The following CPLANE1 variants were observed in gnomAD, a reference collection of about 807,000 sequenced individuals.
The protein encoded by CPLANE1 is ciliogenesis and planar polarity effector complex subunit 1.
Under a neutral mutation model 362.5 loss-of-function variants are expected in CPLANE1, and 263 were observed. The observed-to-expected ratio is 0.73, with a 90% CI of 0.66 to 0.80. The LOEUF (loss-of-function observed/expected upper bound fraction) is 0.80, where lower values mean the gene tolerates loss of function less well. CPLANE1 is among the 30% of genes least tolerant of loss of function. The pLI is 0.00. For synonymous variants in CPLANE1, 1,212 were observed against 1,302.6 expected (o/e 0.93, Z 1.50); for missense variants, 3,461 against 3,793.4 (o/e 0.91, Z 2.30).
At chr5:37,208,500 A>G (rs1791490073) in intron 16 of CPLANE1, among the ~76,000 whole-genome samples, 1 of 151,842 alleles carries the variant, frequency 6.6e-6, no homozygotes, top group South Asian at 2.1e-4. Flanking sequence ...ACACGGTGAA[A>G]CCCCGTCTCC....
chr5:37,222,233 C>G (rs1406012696), intron 14 of CPLANE1, among the ~76,000 whole-genome samples: 4 of 152,230 alleles, frequency 2.6e-5, no homozygotes, highest in African/African-American at 4.8e-5. Flanking sequence ...TGTTCTGATT[C>G]AAGAGATAAC....
At chr5:37,200,554 G>T (rs1788854949) in intron 19 of CPLANE1, among the ~76,000 whole-genome samples, 1 of 152,120 alleles carries the variant, frequency 6.6e-6, no homozygotes. Context: ...TAAAAAACTA[G>T]AGGTAGAAGT....
chr5:37,123,227 C>T (rs1371681812), intron 47 of CPLANE1, among the ~76,000 whole-genome samples: 3 of 152,206 alleles, frequency 2.0e-5, no homozygotes, highest in Admixed American at 6.5e-5. Flanking sequence ...ATGTCAGACA[C>T]ATACGTATTA....
At chr5:37,109,090 C>T (rs1219132879) in intron 51 of CPLANE1, among the ~76,000 whole-genome samples, 1 of 152,168 alleles carries the variant, frequency 6.6e-6, no homozygotes, top group Non-Finnish European at 1.5e-5. Flanking sequence ...TGTTCCAAAG[C>T]CAATATCACA....
Position 37,230,907 on chromosome 5 carries a change from G to T in CPLANE1, c.1081C>A (p.Pro361Thr). The T allele has an allele frequency of 6.5e-7, 1 of 1,546,140 alleles. No individual in the cohort carries two copies. Among genetic ancestry groups the T allele is most frequent in the Non-Finnish European group, 8.7e-7 (1 of 1,144,272 alleles). Residue 361 changes from proline to threonine, a missense_variant, in exon 9 of 53, where the codon CCA becomes ACA. Physicochemically the swap from Pro to Thr is conservative, Grantham distance 38 (BLOSUM62 -1). Coordinates refer to ENST00000651892, the MANE Select transcript of CPLANE1 (RefSeq NM_001384732.1). ...GGATGAAGAGGAATAAATTCTGCTG[G>T]GCCAAATTCTATAGAGCAACCAAAT... The part of the protein sequence containing the change: ...ITFGCSIEFG[P>T]AEFIPLHPLI...
intron 44 of CPLANE1, chr5:37,140,270 G>A (rs547238823): frequency 4.2e-6 from 4 of 955,966 alleles, no homozygotes; most frequent in South Asian, 9.7e-5. Flanking sequence ...TTATTATCTT[G>A]AGATAAACCA....
intron 16 of CPLANE1, chr5:37,211,002 A>T: frequency 1.3e-6 from 1 of 793,364 alleles, no homozygotes; most frequent in Non-Finnish European, 2.3e-6. Flanking sequence ...ATCGCAATTG[A>T]AGCAAACTCA....
intron 21 of CPLANE1, among the ~76,000 whole-genome samples, chr5:37,192,476 A>G (rs1785812169): frequency 6.6e-6 from 1 of 152,186 alleles, no homozygotes; most frequent in Admixed American, 6.5e-5. Flanking sequence ...ATTTCTTAGG[A>G]CGTAGCCCCA....
chr5:37,140,438 A>G, intron 44 of CPLANE1: 1 of 985,158 alleles, frequency 1.0e-6, no homozygotes, highest in Non-Finnish European at 1.2e-6. Flanking sequence ...AACTAATTCA[A>G]TTTAACTAAG....
Position 37,183,000 on chromosome 5 carries a change from A to G in CPLANE1, c.5181T>C (p.Ile1727=), listed in dbSNP as rs1326847588. ...CTAAAGGAAGATCTTCTTGAGGGTT[A>G]ATATCATTGCACTGAATAGCTTTGA... The part of the protein sequence containing the change: ...CIFKAIQCND[I]NPQEDLPLAL... Residue 1727 remains isoleucine, a synonymous_variant, in exon 26 of 53, where the codon ATT becomes ATC. Transcript: ENST00000651892. 1 of 1,612,268 alleles carries G rather than the reference A, an allele frequency of 6.2e-7. No individual in the cohort carries two copies. Among genetic ancestry groups the G allele is most frequent in the Admixed American group, 1.7e-5 (1 of 59,756 alleles).
chr5:37,108,142 G>T, intron 52 of CPLANE1, 151 bp downstream of exon 52: 1 of 720,610 alleles, frequency 1.4e-6, no homozygotes, highest in Non-Finnish European at 2.3e-6. Flanking sequence ...AAGGGAAGAT[G>T]CTTTGCATCA....
chr5:37,200,712 A>G (rs532017979), intron 19 of CPLANE1, among the ~76,000 whole-genome samples: 1 of 152,306 alleles, frequency 6.6e-6, no homozygotes, highest in East Asian at 1.9e-4. Flanking sequence ...TGATTTTTTA[A>G]TAAGAGCAGA....
Position 37,153,646 on chromosome 5 carries a change from C to T in CPLANE1, c.8373+94G>A, listed in dbSNP as rs1774202242. On this transcript the variant is annotated intron_variant, in intron 42 of 52. Coordinates refer to ENST00000651892, the MANE Select transcript of CPLANE1 (RefSeq NM_001384732.1). ...CCTAGCTTAAAGAAAACAAAGTTCTCATTATTTTGAAAAATCAGGTATCCA... is the reference window on the plus strand; with the variant it reads ...CCTAGCTTAAAGAAAACAAAGTTCTTATTATTTTGAAAAATCAGGTATCCA... The T allele has an allele frequency of 1.8e-5, 24 of 1,301,066 alleles. 1 individual carries two copies. The South Asian group carries it at 3.2e-4, about 17-fold the overall frequency. 80.6% of individuals were successfully genotyped at this position (1,301,066 alleles called of 1,614,324 possible). A position where few individuals can be genotyped will look rare whatever the true frequency, so the allele number is the denominator to read the frequency against.
Position 37,211,681 on chromosome 5 carries a change from C to A in CPLANE1, c.2920+1878G>T, listed in dbSNP as rs188159460. 1.7e-5 allele frequency: 13 copies of A among 785,010 alleles called. No homozygotes were observed. The African/African-American group carries it at 2.2e-4, about 13-fold the overall frequency. The allele number at this position is 785,010 out of a possible 1,614,324, so 48.6% of individuals were successfully genotyped here. The stretch of plus-strand genomic sequence containing the variant: ...AGTCCTTATCCTGACAGAATGCCCC[C>A]GCCATCACCCGCTGAGTCTAGGCAC... On this transcript the variant is annotated intron_variant, in intron 16 of 52. Coordinates refer to ENST00000651892, the MANE Select transcript of CPLANE1 (RefSeq NM_001384732.1).
chr5:37,136,528 T>C (rs892149361), intron 46 of CPLANE1, among the ~76,000 whole-genome samples: 2 of 152,210 alleles, frequency 1.3e-5, no homozygotes, highest in African/African-American at 4.8e-5. Flanking sequence ...TGAAGGACGA[T>C]GGCCCTCTTC....
chr5:37,150,612 G>C (rs1359221170), intron 42 of CPLANE1, among the ~76,000 whole-genome samples: 1 of 152,084 alleles, frequency 6.6e-6, no homozygotes, highest in African/African-American at 2.4e-5. Flanking sequence ...ACACCACTGT[G>C]AATCTCTGTT....
chr5:37,123,757 C>A (rs191443673), intron 47 of CPLANE1, among the ~76,000 whole-genome samples: 5 of 152,104 alleles, frequency 3.3e-5, no homozygotes, highest in African/African-American at 1.2e-4. Context: ...AACTCCTGGC[C>A]TCAGGTGATC....
intron 12 of CPLANE1, 52 bp downstream of exon 12, chr5:37,226,252 A>G: frequency 1.6e-6 from 2 of 1,241,852 alleles, no homozygotes; most frequent in Non-Finnish European, 2.1e-6. Flanking sequence ...TTTCTAAAAA[A>G]GTAAAAAAAA....
chr5:37,227,961 A>G, intron 9 of CPLANE1, 144 bp from the exon 10 acceptor site: 3 of 758,862 alleles, frequency 4.0e-6, no homozygotes, highest in Non-Finnish European at 6.2e-6. Context: ...ATGTGTTTAT[A>G]TCTTTCAGGA....
Sources: allele counts gnomAD v4.1 joint callset (sites outside exome capture counted in the v4.1 genomes callset), GRCh38; gene constraint gnomAD v4.1.1; transcripts MANE v1.5; gene names NCBI Gene and HGNC (gene_info 2026-07-23, HGNC 2026-07-21).